Variants in PPM1H observed in about 807,000 individuals in gnomAD.
The protein encoded by PPM1H is protein phosphatase 1H.
PPM1H carries 27 observed loss-of-function variants against 54.9 expected under a neutral mutation model. The observed-to-expected ratio is 0.49, with a 90% confidence interval of 0.36 to 0.68. The LOEUF is 0.68. Ranked by LOEUF, PPM1H falls within the 30% of genes least tolerant of loss-of-function variation. PPM1H has a pLI of 0.00. For missense variants in PPM1H, 596 were observed against 667.8 expected, an observed-to-expected ratio of 0.89 and a Z score of 1.19; for synonymous variants, 305 against 270.8, an observed-to-expected ratio of 1.13 and a Z score of -1.24.
chr12:62,678,653 G>A (rs1450072530), intron 8 of PPM1H, among the ~76,000 whole-genome samples: 1 of 152,014 alleles, frequency 6.6e-6, no homozygotes, highest in Non-Finnish European at 1.5e-5. Context: ...CATGTAAGGT[G>A]AGAATATACC....
intron 2 of PPM1H, among the ~76,000 whole-genome samples, chr12:62,805,356 T>G (rs73130070): frequency 0.02 from 2,995 of 152,246 alleles, 60 homozygotes; most frequent in South Asian, 0.064. Flanking sequence ...TTACTGCTGG[T>G]TATATAACAA....
At chr12:62,706,837 A>G (rs1349673887) in intron 6 of PPM1H, among the ~76,000 whole-genome samples, 1 of 152,224 alleles carries the variant, frequency 6.6e-6, no homozygotes, top group African/African-American at 2.4e-5. Context: ...GTAAAAAAAA[A>G]ATTTAAGCTC....
chr12:62,758,861 A>G (rs2076490246), intron 4 of PPM1H, among the ~76,000 whole-genome samples: 2 of 152,214 alleles, frequency 1.3e-5, no homozygotes, highest in African/African-American at 4.8e-5. Context: ...AAGATCCACA[A>G]AAGAAGTGAA....
intron 2 of PPM1H, among the ~76,000 whole-genome samples, chr12:62,805,593 C>T (rs75237070): frequency 0.019 from 2,945 of 152,182 alleles, 88 homozygotes; most frequent in African/African-American, 0.068. Context: ...TGAAATAAAC[C>T]AGACACAGAA....
intron 4 of PPM1H, among the ~76,000 whole-genome samples, chr12:62,757,162 C>G (rs2076481491): frequency 6.6e-6 from 1 of 152,156 alleles, no homozygotes; most frequent in Admixed American, 6.5e-5. Flanking sequence ...CATACTCCCT[C>G]ATGCTCTCGT....
At chr12:62,792,639 A>G (rs1359165007) in intron 3 of PPM1H, among the ~76,000 whole-genome samples, 3 of 152,190 alleles carry the variant, frequency 2.0e-5, no homozygotes, top group Non-Finnish European at 4.4e-5. Context: ...TGAAGGATTC[A>G]CTGTCGTTAA....
chr12:62,713,659 C>T (rs1183940965), intron 6 of PPM1H, among the ~76,000 whole-genome samples: 1 of 152,120 alleles, frequency 6.6e-6, no homozygotes, highest in African/African-American at 2.4e-5. Context: ...TTATCAGTAC[C>T]CATCCCACCT....
chr12:62,728,898 G>C (rs2076304850), intron 5 of PPM1H, among the ~76,000 whole-genome samples: 1 of 152,208 alleles, frequency 6.6e-6, no homozygotes, highest in African/African-American at 2.4e-5. Flanking sequence ...AAAATTGCTT[G>C]CTAGGGAATA....
chr12:62,731,114 A>G (rs2076318359), intron 5 of PPM1H, among the ~76,000 whole-genome samples: 1 of 152,250 alleles, frequency 6.6e-6, no homozygotes, highest in Non-Finnish European at 1.5e-5. Context: ...AGAAGTTCAC[A>G]TTTAAATTTC....
chr12:62,821,143 A>G (rs2076901096), intron 2 of PPM1H, among the ~76,000 whole-genome samples: 2 of 152,240 alleles, frequency 1.3e-5, no homozygotes, highest in South Asian at 4.1e-4. Flanking sequence ...TTCGATAGCC[A>G]ATTCGATCAA....
chr12:62,873,751 T>C (rs957400302), intron 1 of PPM1H, among the ~76,000 whole-genome samples: 2 of 152,188 alleles, frequency 1.3e-5, no homozygotes, highest in Non-Finnish European at 2.9e-5. Flanking sequence ...GGGACGGGAA[T>C]AAATAAAAAC....
At chr12:62,908,719 C>A (rs1167058581) in intron 1 of PPM1H, among the ~76,000 whole-genome samples, 1 of 152,180 alleles carries the variant, frequency 6.6e-6, no homozygotes, top group Non-Finnish European at 1.5e-5. Flanking sequence ...AAATGGGTAA[C>A]AAAAGAGATG....
At chr12:62,771,634 C>T (rs2076580667) in intron 4 of PPM1H, among the ~76,000 whole-genome samples, 1 of 152,200 alleles carries the variant, frequency 6.6e-6, no homozygotes, top group South Asian at 2.1e-4. Flanking sequence ...TATTTACTAT[C>T]TGCAGTAGTA....
intron 8 of PPM1H, among the ~76,000 whole-genome samples, chr12:62,681,055 G>A (rs899741961): frequency 6.6e-6 from 1 of 152,114 alleles, no homozygotes; most frequent in Non-Finnish European, 1.5e-5. Flanking sequence ...GTTTGATGTG[G>A]GGGCTAGAGG....
chr12:62,800,334 T>TG (rs1022628289), intron 3 of PPM1H, among the ~76,000 whole-genome samples: 6 of 151,942 alleles, frequency 3.9e-5, no homozygotes, highest in African/African-American at 1.5e-4. Flanking sequence ...GGTTTTTTTT[T>TG]TTTGTTTATT....
At chr12:62,734,132 A>T (rs977551753) in intron 5 of PPM1H, among the ~76,000 whole-genome samples, 7 of 142,546 alleles carry the variant, frequency 4.9e-5, no homozygotes, top group African/African-American at 1.8e-4. Flanking sequence ...TGCCACATGA[A>T]TTTTTTTTTT....
intron 1 of PPM1H, among the ~76,000 whole-genome samples, chr12:62,865,935 C>T (rs188953383): frequency 1.3e-5 from 2 of 152,298 alleles, no homozygotes; most frequent in Non-Finnish European, 2.9e-5. Context: ...CATAAGTAGC[C>T]ACAGCGACTA....
chr12:62,894,581 C>G (rs1276686784), intron 1 of PPM1H, among the ~76,000 whole-genome samples: 1 of 152,174 alleles, frequency 6.6e-6, no homozygotes, highest in Admixed American at 6.5e-5. Context: ...ATCTATAAAA[C>G]AGGGACAATA....
chr12:62,880,595 T>C (rs1185362069), intron 1 of PPM1H, among the ~76,000 whole-genome samples: 1 of 152,188 alleles, frequency 6.6e-6, no homozygotes, highest in African/African-American at 2.4e-5. Context: ...CCATTCTCCT[T>C]GTGTCTTCCT....
Sources: allele counts gnomAD v4.1 joint callset (sites outside exome capture counted in the v4.1 genomes callset), GRCh38; gene constraint gnomAD v4.1.1; transcripts MANE v1.5; gene names NCBI Gene and HGNC (gene_info 2026-07-23, HGNC 2026-07-21).